The following PRELID3A variants were observed in gnomAD, a reference collection of about 807,000 sequenced individuals.
PRELID3A encodes PRELI domain containing 3A, also known as PRELI domain containing protein 3A.
In PRELID3A, 27 loss-of-function variants were observed where a neutral mutation model predicts 23.0. The ratio of observed to expected loss-of-function variants is 1.17; its 90% confidence interval spans 0.87 to 1.62. The LOEUF is 1.62. PRELID3A is among the 40% of genes most tolerant of loss of function. The pLI, the probability that PRELID3A is intolerant of heterozygous loss-of-function variation, is 0.00. For synonymous variants in PRELID3A, 87 were observed against 86.4 expected, an observed-to-expected ratio of 1.01 and a Z score of -0.04; for missense variants, 231 against 231.4, an observed-to-expected ratio of 1.00 and a Z score of 0.01.
At chr18:12,413,974 A>G (rs2029878111) in intron 1 of PRELID3A, among the ~76,000 whole-genome samples, 1 of 152,200 alleles carries the variant, frequency 6.6e-6, no homozygotes. Flanking sequence ...GTTAATTTTC[A>G]AGAAATCATC....
At chr18:12,426,382 G>A (rs530837735) in intron 3 of PRELID3A, among the ~76,000 whole-genome samples, 74 of 149,734 alleles carry the variant, frequency 4.9e-4, no homozygotes, top group East Asian at 1.4e-3. Flanking sequence ...GTGAAACTCC[G>A]TCTCTACTAA....
chr18:12,422,421 T>C, intron 3 of PRELID3A: 1 of 151,048 alleles, frequency 6.6e-6, no homozygotes, highest in Non-Finnish European at 1.5e-5. Flanking sequence ...TGCAGTGGCG[T>C]GATCTCGGCT....
chr18:12,420,416 C>T lies in PRELID3A; in HGVS notation c.124C>T (p.Arg42Cys), dbSNP rs1348479190. Residue 42 changes from arginine to cysteine, a missense_variant, in exon 2 of 7, where the codon CGC becomes TGC. By Grantham distance (180) the Arg-to-Cys change is radical. Coordinates refer to ENST00000440960, the MANE Select transcript of PRELID3A (RefSeq NM_001142405.2). ...GCTGGGCGTGGATGTGCTACAGCGC[C>T]GCGTGGACGGCCGCGGCCGCCTGCA... is the stretch of plus-strand genomic sequence containing the variant. Reference protein sequence around the residue: ...SVLGVDVLQRRVDGRGRLHSL... With the variant: ...SVLGVDVLQRCVDGRGRLHSL... The T allele has an allele frequency of 6.2e-7, 1 of 1,601,032 alleles. No homozygotes were observed. Among genetic ancestry groups the T allele is most frequent in the Non-Finnish European group, 8.5e-7 (1 of 1,174,806 alleles).
chr18:12,412,249 G>A (rs12454554), intron 1 of PRELID3A, among the ~76,000 whole-genome samples: 67,670 of 150,358 alleles, frequency 0.45, 15,867 homozygotes, highest in Middle Eastern at 0.62. Context: ...GGGCAGTGGC[G>A]GGATCTCAGT....
intron 6 of PRELID3A, among the ~76,000 whole-genome samples, chr18:12,430,653 G>A (rs527901199): frequency 8.1e-4 from 105 of 129,786 alleles, no homozygotes; most frequent in African/African-American, 2.8e-3. Flanking sequence ...GGTATGTGTC[G>A]TGTGTGCATG....
At chr18:12,414,500 T>C (rs111627540) in intron 1 of PRELID3A, among the ~76,000 whole-genome samples, 11,020 of 152,074 alleles carry the variant, frequency 0.072, 585 homozygotes, top group Non-Finnish European at 0.11. Flanking sequence ...CCGAGGTGGG[T>C]GGATCACCTG....
chr18:12,410,388 G>A (rs1168971272), intron 1 of PRELID3A, among the ~76,000 whole-genome samples: 1 of 152,216 alleles, frequency 6.6e-6, no homozygotes, highest in Non-Finnish European at 1.5e-5. Flanking sequence ...GCAAAGGGCC[G>A]TAATGAAGCC....
intron 1 of PRELID3A, among the ~76,000 whole-genome samples, chr18:12,414,865 G>A (rs1057034672): frequency 6.6e-6 from 1 of 152,170 alleles, no homozygotes; most frequent in Admixed American, 6.5e-5. Flanking sequence ...GCTGATGGAG[G>A]CCTTGGGTCA....
chr18:12,430,766 TG>T, intron 6 of PRELID3A, among the ~76,000 whole-genome samples: 1 of 145,984 alleles, frequency 6.9e-6, no homozygotes, highest in African/African-American at 2.5e-5. Flanking sequence ...ATGTGTGTGA[TG>T]TGTGTGCATG....
intron 1 of PRELID3A, among the ~76,000 whole-genome samples, chr18:12,414,634 G>A (rs1243620089): frequency 2.0e-5 from 3 of 152,160 alleles, no homozygotes; most frequent in African/African-American, 4.8e-5. Flanking sequence ...GCTGAGGCAC[G>A]AGAATTGCTT....
intron 1 of PRELID3A, among the ~76,000 whole-genome samples, chr18:12,411,912 C>CT (rs773964175): frequency 0.11 from 15,367 of 138,036 alleles, 1,736 homozygotes; most frequent in African/African-American, 0.28. Context: ...TCTTTTCTTT[C>CT]TTTTTTTTTT....
At chr18:12,411,161 G>A (rs949678113) in intron 1 of PRELID3A, among the ~76,000 whole-genome samples, 1 of 147,068 alleles carries the variant, frequency 6.8e-6, no homozygotes, top group Admixed American at 7.0e-5. Context: ...TACCTAGACA[G>A]GGGTGAAAGT....
Position 12,427,106 on chromosome 18 carries a change from A to G in PRELID3A, c.357A>G (p.Pro119=), listed in dbSNP as rs141642115. 2.9e-5 allele frequency: 47 copies of G among 1,612,918 alleles called. No individual in the cohort carries two copies. In the African/African-American group the frequency reaches 5.5e-4, roughly 19 times the overall value. ...TGTACACACCTCATCCAGAGAACCC[A>G]GAAATGTGAGTCATCTCCTGTGGGA... ...RLVYTPHPEN[P]EMTVLTQEAI... The change falls in exon 4 of 7, where the codon CCA becomes CCG. Residue 119 remains proline, a synonymous_variant. Transcript: ENST00000440960.
In PRELID3A at chr18:12,407,991, T is replaced by A; in HGVS notation, c.16T>A (p.Ser6Thr). The A allele has an allele frequency of 7.7e-7, 1 of 1,298,964 alleles. No individual in the cohort carries two copies. The highest frequency in any genetic ancestry group is 9.8e-7 in the Non-Finnish European group (1 of 1,024,686). 80.5% of individuals were successfully genotyped at this position (1,298,964 alleles called of 1,614,324 possible). A position where few individuals can be genotyped will look rare whatever the true frequency, so the allele number is the denominator to read the frequency against. Residue 6 changes from serine (S) to threonine (T), a missense_variant, in exon 1 of 7, where the codon TCG becomes ACG. By Grantham distance (58) the Ser-to-Thr change is moderately conservative. Transcript: ENST00000440960. ...GCCGGCGGCAATGAAGATCTGGAGC[T>A]CGGAGCACGTGTTTGGGTGAGGCCG... The part of the protein sequence containing the change: MKIWS[S>T]EHVFGHPWDT...
At chr18:12,408,351 G>T (rs1909795395) in intron 1 of PRELID3A, among the ~76,000 whole-genome samples, 1 of 151,722 alleles carries the variant, frequency 6.6e-6, no homozygotes, top group African/African-American at 2.4e-5. Context: ...CGGGGGGGCG[G>T]CCGGGGGCCT....
rs144265247 is a variant in PRELID3A at position 12,417,427 on chromosome 18, G to A, written c.33-2898G>A. Among the ~76,000 whole-genome samples, 5 of 152,312 alleles carry A rather than the reference G, an allele frequency of 3.3e-5. No homozygotes were observed. In the East Asian group the frequency reaches 9.6e-4, roughly 29 times the overall value. ...GACCTCAAGTGATCTGCCCGCCTCA[G>A]CCTCCCACAGTGCTGGGATTACAGG... On this transcript the variant is annotated intron_variant, in intron 1 of 6. Coordinates refer to ENST00000440960, the MANE Select transcript of PRELID3A (RefSeq NM_001142405.2).
At chr18:12,416,064 C>A (rs1342653293) in intron 1 of PRELID3A, among the ~76,000 whole-genome samples, 1 of 152,196 alleles carries the variant, frequency 6.6e-6, no homozygotes, top group Non-Finnish European at 1.5e-5. Context: ...TCAGCACATT[C>A]CTCTTCTGCC....
intron 1 of PRELID3A, among the ~76,000 whole-genome samples, chr18:12,413,808 T>C (rs1374299079): frequency 6.6e-6 from 1 of 152,164 alleles, no homozygotes; most frequent in Non-Finnish European, 1.5e-5. Flanking sequence ...GGTCTTGAAC[T>C]CCTAACCTCA....
At position 12,419,990 on chromosome 18, in the gene PRELID3A, G is replaced by T; in HGVS notation, c.33-335G>T. The T allele has an allele frequency of 1.6e-5, 7 of 431,292 alleles. No individual in the cohort carries two copies. In the South Asian group the frequency reaches 2.8e-4, roughly 17 times the overall value. The allele number at this position is 431,292 out of a possible 1,614,324, so 26.7% of individuals were successfully genotyped here. On this transcript the variant is annotated intron_variant, in intron 1 of 6. Transcript: ENST00000440960. ...TGTAGTCCCAGCTACTGGAGGTGGG[G>T]CAAGAGGAGGCTGAGGCAGGATGTT...
Sources: gnomAD v4.1 joint callset for allele counts (sites outside exome capture counted in the v4.1 genomes callset) on GRCh38, gnomAD v4.1.1 for gene constraint, MANE v1.5 for transcripts, NCBI Gene and HGNC (gene_info 2026-07-23, HGNC 2026-07-21) for gene names.